Variants in CEP72 observed in about 807,000 individuals in gnomAD.
The protein encoded by CEP72 is centrosomal protein 72.
In CEP72, 78 loss-of-function variants were observed where a neutral mutation model predicts 65.7. The observed-to-expected ratio is 1.19, with a 90% CI of 0.99 to 1.43. The LOEUF (loss-of-function observed/expected upper bound fraction) is 1.43, where lower values mean the gene tolerates loss of function less well. Ranked by LOEUF, CEP72 falls within the 40% of genes most tolerant of loss-of-function variation. CEP72 has a pLI of 0.00. For missense variants in CEP72, 914 were observed against 832.9 expected (o/e 1.10, Z -1.20); for synonymous variants, 358 against 351.7 (o/e 1.02, Z -0.20).
At position 633,915 on chromosome 5, in the gene CEP72, AG is replaced by A. The variant is rs1737404697; in HGVS notation, c.663del (p.Arg222ValfsTer15). On this transcript the variant is annotated frameshift_variant, in exon 5 of 12. Transcript: ENST00000264935. LOFTEE classifies it high-confidence loss of function. ...CCCGGGAGCACGAGCTTCAGCCAGA[AG>A]GGGCGTGAGGCCGACTCTCGTGGTT... ...RPPGSTSFSQ[K>X]GREADSRGSQ... 32 of 1,612,890 alleles carry A rather than the reference AG, an allele frequency of 2.0e-5. No homozygotes were observed. Among genetic ancestry groups the A allele is most frequent in the Non-Finnish European group, 2.6e-5 (31 of 1,180,034 alleles).
At chr5:666,196 G>A in intron 4 of CEP72, 5 of 1,550,950 alleles carry the variant, frequency 3.2e-6, no homozygotes, top group Non-Finnish European at 3.5e-6. Flanking sequence ...GTGGGTCTGA[G>A]CAGAGCTGGA....
At chr5:669,805 C>T (rs1740137932), downstream of CEP72, among the ~76,000 whole-genome samples, 1 of 152,042 alleles carries the variant, frequency 6.6e-6, no homozygotes, top group Non-Finnish European at 1.5e-5. Context: ...GACCCGGGTG[C>T]CCCCCGCCTG....
Position 640,604 on chromosome 5 carries a change from G to A in CEP72, c.1539G>A (p.Leu513=), listed in dbSNP as rs1176649556. Residue 513 remains leucine (L), a splice_region_variant and synonymous_variant, in exon 9 of 12, where the codon CTG becomes CTA. Coordinates refer to ENST00000264935, the MANE Select transcript of CEP72 (RefSeq NM_018140.4). ...AGCTGCACCACACACACAAGGAGCT[G>A]GTGAGCCCGCCCTGGCGCTGTGTCT... ...TAELHHTHKE[L]DDLRQHLDKS... is the part of the protein sequence containing the mutation. 1.9e-6 allele frequency: 3 copies of A among 1,610,026 alleles called. No homozygotes were observed.
In CEP72 at chr5:624,472, C is replaced by T. The variant is rs62001006; in HGVS notation, c.405C>T (p.Asp135=). The T allele has an allele frequency of 3.0e-3, 4,835 of 1,613,180 alleles. 39 individuals are homozygous for T. The highest frequency in any genetic ancestry group is 0.028 in the Middle Eastern group (169 of 6,062). The change falls in exon 4 of 12, where the codon GAC becomes GAT. Residue 135 remains aspartate (D), a splice_region_variant and synonymous_variant. Coordinates refer to ENST00000264935, the MANE Select transcript of CEP72 (RefSeq NM_018140.4). This position sits in a 1 kb window ranked among gnomAD's most constrained non-coding sequence, Gnocchi z 4.7. ...GTCTTGTGTGGCCTTTTCTTCTAGA[C>T]GATCGCCCCGTGAGAGCAAGCGAGC... ...VHLLPKLQQL[D]DRPVRASERK...
At chr5:669,655 G>A (rs766426894), downstream of CEP72, among the ~76,000 whole-genome samples, 11 of 152,132 alleles carry the variant, frequency 7.2e-5, no homozygotes, top group Non-Finnish European at 1.5e-4. Context: ...TGAGTCACTC[G>A]GCGGGAGGGG....
chr5:665,067 G>T, intron 2 of CEP72: 2 of 1,593,232 alleles, frequency 1.3e-6, no homozygotes, highest in African/African-American at 2.7e-5. Context: ...CCTGCTCTGG[G>T]GACACCGGCA....
chr5:623,971 G>C lies in CEP72; in HGVS notation c.404-500G>C, dbSNP rs1310077306. ...CAAAGCGCCAAGGTTGAAGGCCTGG[G>C]GACCTTCTTATCTTCAGGGATTTAC... On this transcript the variant is annotated intron_variant, in intron 3 of 11. Transcript: ENST00000264935. This position sits in a 1 kb window ranked among gnomAD's most constrained non-coding sequence, Gnocchi z 5.3. Among the ~76,000 whole-genome samples, 1 of 152,114 alleles carries C rather than the reference G, an allele frequency of 6.6e-6. No individual in the cohort carries two copies.
rs778694565 is a variant in CEP72 at position 635,437 on chromosome 5, C to G, written c.757C>G (p.Arg253Gly). Residue 253 changes from arginine to glycine, a missense_variant, in exon 6 of 12, where the codon CGT becomes GGT. Transcript: ENST00000264935. ...GTGTGGGGACTCTGGGAAGCAGGGCCGTGAGACGAGGAGGAGCAGCTGCAG... is the reference window on the plus strand; with the variant it reads ...GTGTGGGGACTCTGGGAAGCAGGGCGGTGAGACGAGGAGGAGCAGCTGCAG... Reference protein sequence around the residue: ...YQCGDSGKQGRETRRSSCRGC... With the variant: ...YQCGDSGKQGGETRRSSCRGC... 13 of 1,614,082 alleles carry G rather than the reference C, an allele frequency of 8.1e-6. No individual in the cohort carries two copies. The highest frequency in any genetic ancestry group is 3.3e-4 in the Middle Eastern group (2 of 6,062).
Position 619,017 on chromosome 5 carries a change from G to A in CEP72, c.110G>A (p.Gly37Glu). The part of the protein sequence containing the change: ...LAELQSLSIP[G>E]TYQEKITHLG... ...GAGCTTCAGTCATTGTCTATTCCTG[G>A]AACTTACCAAGAGAAGATCACCCAC... Residue 37 changes from glycine to glutamate, a missense_variant, in exon 2 of 12, where the codon GGA (glycine) becomes GAA (glutamate). Gly to Glu is a moderately conservative substitution (Grantham distance 98). Coordinates refer to ENST00000264935, the MANE Select transcript of CEP72 (RefSeq NM_018140.4). 6.2e-7 allele frequency: 1 copy of A among 1,611,556 alleles called. No homozygotes were observed. The highest frequency in any genetic ancestry group is 1.1e-5 in the South Asian group (1 of 90,982).
At position 623,068 on chromosome 5, in the gene CEP72, C is replaced by G. The variant is rs190764147; in HGVS notation, c.404-1403C>G. ...AGAGAAGGAGCGCGGCCGTCTCCCT[C>G]TTAGTGTTTCTGCAGAGAAGGAGCG... On this transcript the variant is annotated intron_variant, in intron 3 of 11. Coordinates refer to ENST00000264935, the MANE Select transcript of CEP72 (RefSeq NM_018140.4). The surrounding 1 kb of genome is among the most constrained non-coding windows in gnomAD (Gnocchi z 5.3). 1.3e-5 allele frequency among the ~76,000 whole-genome samples: 2 copies of G among 151,774 alleles called. No individual in the cohort carries two copies. Among genetic ancestry groups the G allele is most frequent in the East Asian group, 3.9e-4 (2 of 5,130 alleles).
At position 634,094 on chromosome 5, in the gene CEP72, G is replaced by A. The variant is rs59132999; in HGVS notation, c.691+147G>A. On this transcript the variant is annotated intron_variant, in intron 5 of 11. Coordinates refer to ENST00000264935, the MANE Select transcript of CEP72 (RefSeq NM_018140.4). ...TCATGATGTGTCTTTGTGTGCTTTC[G>A]AATGCCAGCCATTTGGACTACAGAG... 2,078 of 693,168 alleles carry A rather than the reference G, an allele frequency of 3.0e-3. 35 individuals carry two copies. The African/African-American group carries it at 0.034, about 11-fold the overall frequency. 42.9% of individuals were successfully genotyped at this position (693,168 alleles called of 1,614,324 possible).
chr5:647,066 T>C (rs937280215), intron 10 of CEP72, among the ~76,000 whole-genome samples: 6 of 152,202 alleles, frequency 3.9e-5, no homozygotes, highest in African/African-American at 1.4e-4. Flanking sequence ...GACATAGACT[T>C]CACGCGGCGT....
chr5:674,642 G>A, the CEP72 span, among the ~76,000 whole-genome samples: 1 of 152,050 alleles, frequency 6.6e-6, no homozygotes, highest in Non-Finnish European at 1.5e-5. Context: ...GAGCGGCCCT[G>A]GTCACCAGGA....
chr5:651,558 G>T (rs1166730848), intron 11 of CEP72, among the ~76,000 whole-genome samples: 1 of 152,030 alleles, frequency 6.6e-6, no homozygotes, highest in East Asian at 1.9e-4. Flanking sequence ...GAAACACGGA[G>T]ATTTCACCTT....
intron 4 of CEP72, among the ~76,000 whole-genome samples, chr5:627,403 T>C: frequency 1.2e-5 from 1 of 84,196 alleles, no homozygotes; most frequent in African/African-American, 9.4e-5. Flanking sequence ...TTTGAACTTT[T>C]GGATTAGGGC....
downstream of CEP72, among the ~76,000 whole-genome samples, chr5:668,437 CAG>C (rs1421594850): frequency 1.6e-5 from 2 of 127,390 alleles, no homozygotes; most frequent in Non-Finnish European, 3.6e-5. Flanking sequence ...TGGGCGCCGT[CAG>C]GGAAGTGCGG....
chr5:672,775 A>T, the CEP72 span, among the ~76,000 whole-genome samples: 2 of 152,214 alleles, frequency 1.3e-5, no homozygotes, highest in African/African-American at 4.8e-5. Flanking sequence ...CTCCATTAAT[A>T]TTTTAAAGCT....
At chr5:667,736 A>C (rs919804308), downstream of CEP72, among the ~76,000 whole-genome samples, 24 of 152,248 alleles carry the variant, frequency 1.6e-4, no homozygotes, top group Non-Finnish European at 3.5e-4. Context: ...CGGGCAGAAT[A>C]TTTGAAGCAG....
chr5:664,863 G>A (rs72707013), intron 2 of CEP72: 7,317 of 542,042 alleles, frequency 0.013, 71 homozygotes, highest in Non-Finnish European at 0.019. Context: ...GGCTGAGGAC[G>A]AGGCAGGTGT....
Sources: allele counts gnomAD v4.1 joint callset (sites outside exome capture counted in the v4.1 genomes callset), GRCh38; gene constraint gnomAD v4.1.1; non-coding constraint Gnocchi (gnomAD v3.1); transcripts MANE v1.5; gene names NCBI Gene and HGNC (gene_info 2026-07-23, HGNC 2026-07-21).